EPB41L4B: variants seen among roughly 807,000 people sequenced by gnomAD.
The protein encoded by EPB41L4B is band 4.1-like protein 4B.
A neutral mutation model predicts 112.5 loss-of-function variants in EPB41L4B; 30 were observed. The ratio of observed to expected loss-of-function variants is 0.27; its 90% confidence interval spans 0.20 to 0.36. EPB41L4B has a LOEUF of 0.36. EPB41L4B is among the 10% of genes least tolerant of loss of function. The probability of loss-of-function intolerance (pLI) is 1.00; values close to 1 mark genes in which losing one functional copy is unlikely to be tolerated. For missense variants in EPB41L4B, 1,024 were observed against 1,133.3 expected, an observed-to-expected ratio of 0.90 and a Z score of 1.38; for synonymous variants, 408 against 439.7, an observed-to-expected ratio of 0.93 and a Z score of 0.90.
At chr9:109,314,258 T>C (rs1282173069) in intron 1 of EPB41L4B, among the ~76,000 whole-genome samples, 1 of 152,158 alleles carries the variant, frequency 6.6e-6, no homozygotes, top group Admixed American at 6.5e-5. Context: ...AGGCGGAGGA[T>C]TTCTGTGGTT....
intron 19 of EPB41L4B, 138 bp downstream of exon 19, chr9:109,203,525 T>C (rs1832901444): frequency 1.5e-6 from 1 of 684,116 alleles, no homozygotes. Flanking sequence ...CCAGTCTTTT[T>C]CCATCTCTTT....
At chr9:109,207,324 C>T (rs1042688406) in intron 18 of EPB41L4B, among the ~76,000 whole-genome samples, 3 of 152,066 alleles carry the variant, frequency 2.0e-5, no homozygotes, top group South Asian at 2.1e-4. Context: ...AATCCCAGTA[C>T]TTTAGGAGGC....
chr9:109,217,297 T>A (rs1397885844), intron 15 of EPB41L4B, 152 bp from the exon 16 acceptor site: 4 of 662,094 alleles, frequency 6.0e-6, no homozygotes, highest in Non-Finnish European at 1.0e-5. Flanking sequence ...ACAATGGTAA[T>A]ATTATACTTA....
At chr9:109,256,653 A>G (rs568591872) in intron 7 of EPB41L4B, among the ~76,000 whole-genome samples, 173 bp from the exon 8 acceptor site, 1 of 152,378 alleles carries the variant, frequency 6.6e-6, no homozygotes, top group African/African-American at 2.4e-5. Context: ...TAGAAAGACC[A>G]CAGAACAGGC....
intron 14 of EPB41L4B, among the ~76,000 whole-genome samples, chr9:109,247,128 A>T (rs1476216784): frequency 6.6e-6 from 1 of 150,458 alleles, no homozygotes; most frequent in Non-Finnish European, 1.5e-5. Context: ...GCTCCCCCAA[A>T]TAGCTGGCAC....
At position 109,216,911 on chromosome 9, in the gene EPB41L4B, C is replaced by T. The variant is rs13293508; in HGVS notation, c.1633+11G>A. ...CCCTTCTCCTGCCTTGCCCCCTCCACCCCTACTCACTTGTAAGGGACTTGC... is the reference window on the plus strand; with the variant it reads ...CCCTTCTCCTGCCTTGCCCCCTCCATCCCTACTCACTTGTAAGGGACTTGC... On this transcript the variant is annotated intron_variant, in intron 16 of 25. Coordinates refer to ENST00000374566, the MANE Select transcript of EPB41L4B (RefSeq NM_019114.5). The T allele has an allele frequency of 4.3e-6, 7 of 1,613,436 alleles. No homozygotes were observed. In the South Asian group the frequency reaches 7.7e-5, roughly 18 times the overall value.
intron 23 of EPB41L4B, among the ~76,000 whole-genome samples, chr9:109,184,907 G>A (rs933954057): frequency 6.6e-6 from 1 of 152,172 alleles, no homozygotes; most frequent in African/African-American, 2.4e-5. Flanking sequence ...GTGGTAACAA[G>A]AACAAGCTAG....
At position 109,260,261 on chromosome 9, in the gene EPB41L4B, G is replaced by A. The variant is rs1483726590; in HGVS notation, c.632-1964C>T. ...ATTTTTGTATTTTTTGTAGAGACAGGGTTTTGCCATGTTGCCCAAGCTGGT... is the reference window on the plus strand; with the variant it reads ...ATTTTTGTATTTTTTGTAGAGACAGAGTTTTGCCATGTTGCCCAAGCTGGT... On this transcript the variant is annotated intron_variant, in intron 6 of 25. Transcript: ENST00000374566. Among the ~76,000 whole-genome samples the A allele has an allele frequency of 4.0e-5, 6 of 151,828 alleles. 1 individual carries two copies. Among genetic ancestry groups the A allele is most frequent in the South Asian group, 2.1e-4 (1 of 4,788 alleles).
At chr9:109,271,932 TGTTC>T (rs1177342185) in intron 2 of EPB41L4B, among the ~76,000 whole-genome samples, 1 of 152,240 alleles carries the variant, frequency 6.6e-6, no homozygotes, top group Non-Finnish European at 1.5e-5. Context: ...AAGGCCCATC[TGTTC>T]CAATAGTACA....
intron 15 of EPB41L4B, among the ~76,000 whole-genome samples, chr9:109,237,940 G>A (rs1173823675): frequency 6.6e-6 from 1 of 152,026 alleles, no homozygotes; most frequent in Admixed American, 6.6e-5. Flanking sequence ...TTAGCAATTA[G>A]ATTTCAGTGG....
intron 24 of EPB41L4B, among the ~76,000 whole-genome samples, chr9:109,182,025 G>A (rs991735634): frequency 6.6e-6 from 1 of 151,968 alleles, no homozygotes; most frequent in African/African-American, 2.4e-5. Flanking sequence ...CCTGGCGAAC[G>A]TAATGAAACC....
chr9:109,256,434 T>C lies in EPB41L4B; in HGVS notation c.799A>G (p.Lys267Glu). 6.2e-7 allele frequency: 1 copy of C among 1,614,246 alleles called. No homozygotes were observed. Among genetic ancestry groups the C allele is most frequent in the Non-Finnish European group, 8.5e-7 (1 of 1,180,030 alleles). The change falls in exon 8 of 26, where the codon AAG (lysine) becomes GAG (glutamate). Residue 267 changes from lysine (K) to glutamate (E), a missense_variant. Transcript: ENST00000374566. ...TCTACCCCATACATTTCCAGCCACTTCGCTTTATTCAGATAGGAGAGTTCC... is the reference window on the plus strand; with the variant it reads ...TCTACCCCATACATTTCCAGCCACTCCGCTTTATTCAGATAGGAGAGTTCC... ...QAELSYLNKA[K>E]WLEMYGVDMH... is the part of the protein sequence containing the mutation.
In EPB41L4B at chr9:109,320,883, G is replaced by A. The variant is rs1837851683; in HGVS notation, c.-437C>T. On this transcript the variant is annotated 5_prime_UTR_variant, in exon 1 of 26. Coordinates refer to ENST00000374566, the MANE Select transcript of EPB41L4B (RefSeq NM_019114.5). ...CGGAGCAGGGCGCCTGCGTGGTCCT[G>A]GCGCGCTCGCTCCCACTCGCCGCGC... The A allele has an allele frequency of 6.7e-6, 1 of 149,438 alleles. No homozygotes were observed. Among genetic ancestry groups the A allele is most frequent in the African/African-American group, 2.5e-5 (1 of 40,776 alleles). The allele number at this position is 149,438 out of a possible 1,614,324, so 9.3% of individuals were successfully genotyped here. A position where few individuals can be genotyped will look rare whatever the true frequency, so the allele number is the denominator to read the frequency against.
At chr9:109,225,353 C>T (rs1833721137) in intron 15 of EPB41L4B, among the ~76,000 whole-genome samples, 1 of 152,206 alleles carries the variant, frequency 6.6e-6, no homozygotes, top group Non-Finnish European at 1.5e-5. Context: ...CTGGTAAAGA[C>T]ATACCCGAGA....
At chr9:109,236,850 TCCA>T (rs1467201651) in intron 15 of EPB41L4B, among the ~76,000 whole-genome samples, 1 of 152,322 alleles carries the variant, frequency 6.6e-6, no homozygotes, top group East Asian at 1.9e-4. Context: ...TCTGCATCTG[TCCA>T]CCGCCTCCTG....
intron 1 of EPB41L4B, among the ~76,000 whole-genome samples, chr9:109,311,059 T>C (rs559304016): frequency 1.3e-5 from 2 of 152,194 alleles, no homozygotes; most frequent in African/African-American, 2.4e-5. Flanking sequence ...GGAGTTAATG[T>C]TTAATGGGGA....
chr9:109,255,801 T>C lies in EPB41L4B; in HGVS notation c.972A>G (p.Thr324=). The C allele has an allele frequency of 1.2e-6, 2 of 1,613,566 alleles. No individual in the cohort carries two copies. Among genetic ancestry groups the C allele is most frequent in the South Asian group, 1.1e-5 (1 of 90,862 alleles). ...TKMDFKKSKL[T]LVVVEDDDQG... is the part of the protein sequence containing the mutation. ...GATCATCATCCTCGACCACCACGAG[T>C]GTCAATTTGCTCTTTTTAAAATCCA... The change falls in exon 10 of 26, where the codon ACA becomes ACG. Residue 324 remains threonine (T), a synonymous_variant. Transcript: ENST00000374566.
chr9:109,194,281 A>G lies in EPB41L4B; in HGVS notation c.2162T>C (p.Val721Ala), dbSNP rs761096836. 1 of 1,614,012 alleles carries G rather than the reference A, an allele frequency of 6.2e-7. No homozygotes were observed. The highest frequency in any genetic ancestry group is 8.5e-7 in the Non-Finnish European group (1 of 1,180,032). The part of the protein sequence containing the change: ...QVSVPLPSPK[V>A]QNVSSPHKSE... Reference sequence around the variant, plus strand: ...CTTGTGAGGCGAGCTGACATTCTGGACCTTGGGGGACGGCAGCGGCACGGA... The same window carrying G: ...CTTGTGAGGCGAGCTGACATTCTGGGCCTTGGGGGACGGCAGCGGCACGGA... Residue 721 changes from valine (V) to alanine (A), a missense_variant, in exon 21 of 26, where the codon GTC becomes GCC. Physicochemically the swap from Val to Ala is moderately conservative, Grantham distance 64 (BLOSUM62 0). Transcript: ENST00000374566.
intron 6 of EPB41L4B, among the ~76,000 whole-genome samples, chr9:109,262,448 TGG>T (rs760321257): frequency 0.015 from 567 of 37,900 alleles, 2 homozygotes; most frequent in African/African-American, 0.037. Flanking sequence ...TTGGTGTGTG[TGG>T]GGGTGTGTGT....
Sources: allele counts gnomAD v4.1 joint callset (sites outside exome capture counted in the v4.1 genomes callset), GRCh38; gene constraint gnomAD v4.1.1; transcripts MANE v1.5; gene names NCBI Gene and HGNC (gene_info 2026-07-23, HGNC 2026-07-21).